Variants in PTPRD observed in about 807,000 individuals in gnomAD.
The protein encoded by PTPRD is receptor-type tyrosine-protein phosphatase delta.
A neutral mutation model predicts 214.5 loss-of-function variants in PTPRD; 34 were observed. The observed-to-expected ratio is 0.16, with a 90% CI of 0.12 to 0.21. PTPRD has a LOEUF of 0.21. PTPRD is among the 10% of genes least tolerant of loss of function. PTPRD has a pLI of 1.00. For missense variants in PTPRD, 2,545 were observed against 2,398.7 expected, an observed-to-expected ratio of 1.06 and a Z score of -1.27; for synonymous variants, 1,128 against 845.7, an observed-to-expected ratio of 1.33 and a Z score of -5.79.
intron 8 of PTPRD, among the ~76,000 whole-genome samples, chr9:9,426,237 C>T (rs1039078694): frequency 5.3e-5 from 8 of 152,176 alleles, no homozygotes; most frequent in Non-Finnish European, 1.2e-4. Flanking sequence ...ACAGTCTTAG[C>T]AAATGGCACA....
At chr9:8,982,380 G>A (rs910931488) in intron 11 of PTPRD, among the ~76,000 whole-genome samples, 3 of 151,806 alleles carry the variant, frequency 2.0e-5, no homozygotes, top group African/African-American at 7.2e-5. Flanking sequence ...TCTCATAAGG[G>A]AAGTCTTTCT....
intron 8 of PTPRD, among the ~76,000 whole-genome samples, chr9:9,469,332 C>T (rs1180338267): frequency 2.0e-5 from 3 of 152,006 alleles, no homozygotes; most frequent in Non-Finnish European, 4.4e-5. Flanking sequence ...TAATCTGAAA[C>T]TGTTGTCTTC....
chr9:8,583,032 T>C (rs1028224206), intron 14 of PTPRD, among the ~76,000 whole-genome samples: 10 of 152,176 alleles, frequency 6.6e-5, no homozygotes, highest in African/African-American at 2.2e-4. Context: ...ATTGATTCAA[T>C]GGAATATTTA....
intron 39 of PTPRD, among the ~76,000 whole-genome samples, chr9:8,344,146 A>G (rs1415133136): frequency 6.6e-6 from 1 of 152,038 alleles, no homozygotes; most frequent in Non-Finnish European, 1.5e-5. Flanking sequence ...TCCAAGTAAC[A>G]TCTTTCGTTC....
At chr9:9,278,296 A>ATTG (rs1946395273) in intron 9 of PTPRD, among the ~76,000 whole-genome samples, 1 of 151,304 alleles carries the variant, frequency 6.6e-6, no homozygotes, top group African/African-American at 2.4e-5. Flanking sequence ...TTTTATTATT[A>ATTG]TTATGGCTGT....
At chr9:10,273,522 G>C (rs1315506618) in intron 3 of PTPRD, among the ~76,000 whole-genome samples, 1 of 152,072 alleles carries the variant, frequency 6.6e-6, no homozygotes, top group African/African-American at 2.4e-5. Context: ...TGAAGTCCAA[G>C]CCAAAAATTC....
At chr9:9,786,972 C>G (rs1214966295) in intron 5 of PTPRD, among the ~76,000 whole-genome samples, 2 of 151,910 alleles carry the variant, frequency 1.3e-5, no homozygotes, top group Non-Finnish European at 2.9e-5. Flanking sequence ...CCCATCTCTA[C>G]TAAAGATTCA....
At chr9:8,789,573 A>T (rs2096137537) in intron 11 of PTPRD, among the ~76,000 whole-genome samples, 1 of 152,122 alleles carries the variant, frequency 6.6e-6, no homozygotes. Flanking sequence ...TTCAAGTTTA[A>T]ATTCCGTTAT....
At chr9:9,322,520 C>A (rs1966971983) in intron 9 of PTPRD, among the ~76,000 whole-genome samples, 1 of 152,112 alleles carries the variant, frequency 6.6e-6, no homozygotes, top group Non-Finnish European at 1.5e-5. Context: ...TCTCATATAC[C>A]TAGGTTTATG....
intron 3 of PTPRD, among the ~76,000 whole-genome samples, chr9:10,249,526 A>G (rs61188839): frequency 0.031 from 4,780 of 152,286 alleles, 214 homozygotes; most frequent in East Asian, 0.21. Context: ...TCTGTCTGAC[A>G]GGAGCAAAGG....
chr9:10,488,286 G>A (rs570436200), intron 2 of PTPRD, among the ~76,000 whole-genome samples: 19 of 149,892 alleles, frequency 1.3e-4, no homozygotes, highest in Middle Eastern at 3.5e-3. Flanking sequence ...AGAATGGCAC[G>A]AACCTGGGAG....
intron 11 of PTPRD, among the ~76,000 whole-genome samples, chr9:8,736,885 G>A (rs538416688): frequency 6.6e-6 from 1 of 152,124 alleles, no homozygotes; most frequent in African/African-American, 2.4e-5. Flanking sequence ...CATTGGAAAA[G>A]TGCTAAAGGA....
At chr9:9,618,501 G>C (rs770754306) in intron 7 of PTPRD, among the ~76,000 whole-genome samples, 4 of 152,134 alleles carry the variant, frequency 2.6e-5, no homozygotes, top group Non-Finnish European at 5.9e-5. Context: ...ACACTGCAGA[G>C]GAGAGGACAG....
chr9:8,926,730 C>G (rs1225931723), intron 11 of PTPRD, among the ~76,000 whole-genome samples: 2 of 152,188 alleles, frequency 1.3e-5, no homozygotes, highest in Admixed American at 6.5e-5. Flanking sequence ...ATGTATATAA[C>G]TTGGCTGCCC....
chr9:9,412,556 C>G (rs1450278075), intron 8 of PTPRD, among the ~76,000 whole-genome samples: 2 of 152,066 alleles, frequency 1.3e-5, no homozygotes, highest in Non-Finnish European at 2.9e-5. Context: ...CAGCCTCAGG[C>G]CACTCTCCTC....
At chr9:8,521,059 T>A (rs2097881636) in intron 20 of PTPRD, among the ~76,000 whole-genome samples, 5 of 152,178 alleles carry the variant, frequency 3.3e-5, no homozygotes, top group Admixed American at 3.3e-4. Context: ...AATATTCTGA[T>A]GATTATCTCT....
intron 2 of PTPRD, among the ~76,000 whole-genome samples, chr9:10,592,054 C>G (rs1322781289): frequency 1.3e-5 from 2 of 152,068 alleles, no homozygotes; most frequent in African/African-American, 4.8e-5. Flanking sequence ...TGTTGCGCAG[C>G]AACAGATAAA....
intron 3 of PTPRD, among the ~76,000 whole-genome samples, chr9:10,086,511 T>C (rs923412948): frequency 1.3e-5 from 2 of 151,816 alleles, no homozygotes; most frequent in African/African-American, 4.8e-5. Context: ...GGTCTGTGCT[T>C]GACTTGAAAT....
In PTPRD at chr9:8,526,656, A is replaced by G; in HGVS notation, c.551-12T>C. The G allele has an allele frequency of 2.5e-6, 4 of 1,572,038 alleles. No individual in the cohort carries two copies. The highest frequency in any genetic ancestry group is 3.5e-6 in the Non-Finnish European group (4 of 1,155,780). ...TATTGGTGTACCACCTGGGTGGATA[A>G]TATGAATGCAAATAAGATTAGAAAG... On this transcript the variant is annotated splice_polypyrimidine_tract_variant and intron_variant, in intron 16 of 45. Transcript: ENST00000381196.
Sources: allele counts gnomAD v4.1 joint callset (sites outside exome capture counted in the v4.1 genomes callset), GRCh38; gene constraint gnomAD v4.1.1; transcripts MANE v1.5; gene names NCBI Gene and HGNC (gene_info 2026-07-23, HGNC 2026-07-21).